The following CEP78 variants were observed in gnomAD, a reference collection of about 807,000 sequenced individuals.
CEP78 encodes centrosomal protein 78.
In CEP78, 76 loss-of-function variants were observed where a neutral mutation model predicts 81.2. That is an observed-to-expected ratio of 0.94 (90% CI 0.78 to 1.13). The LOEUF (loss-of-function observed/expected upper bound fraction) is 1.13, where lower values mean the gene tolerates loss of function less well. Among genes scored for constraint, CEP78 ranks in the 50% most tolerant of loss-of-function variants. The pLI is 0.00. For synonymous variants in CEP78, 293 were observed against 301.4 expected, an observed-to-expected ratio of 0.97 and a Z score of 0.29; for missense variants, 918 against 846.8, an observed-to-expected ratio of 1.08 and a Z score of -1.04.
chr9:78,249,885 T>C (rs1360068750), intron 8 of CEP78: 1 of 171,026 alleles, frequency 5.8e-6, no homozygotes, highest in African/African-American at 2.4e-5. Context: ...AGAAAAAGGT[T>C]TGTGGTGACT....
intron 16 of CEP78, among the ~76,000 whole-genome samples, chr9:78,270,263 A>G (rs1391449622): frequency 6.6e-6 from 1 of 152,178 alleles, no homozygotes; most frequent in African/African-American, 2.4e-5. Context: ...TAGTTTTAAA[A>G]TTCTTCCATA....
chr9:78,236,856 A>G (rs1825969589), intron 1 of CEP78, among the ~76,000 whole-genome samples: 1 of 151,882 alleles, frequency 6.6e-6, no homozygotes, highest in African/African-American at 2.4e-5. Flanking sequence ...AGCTCTTAGC[A>G]CAGTTTGGGA....
intron 5 of CEP78, among the ~76,000 whole-genome samples, 153 bp from the exon 6 acceptor site, chr9:78,246,516 C>T (rs1826488169): frequency 6.6e-6 from 1 of 152,190 alleles, no homozygotes; most frequent in Non-Finnish European, 1.5e-5. Context: ...AGGAGAATGG[C>T]GTGAACCTGG....
Position 78,240,128 on chromosome 9 carries a change from G to A in CEP78, c.359G>A (p.Ser120Asn), listed in dbSNP as rs770440873. The stretch of plus-strand genomic sequence containing the variant: ...CTTAAAGGCTGTTTAAGTATATCAA[G>A]TGTGCTAAAGAACCTGGAGCTAAAT... ...KALKGCLSIS[S>N]VLKNLELNGL... The change falls in exon 2 of 17, where the codon AGT becomes AAT. Residue 120 changes from serine (S) to asparagine (N), a missense_variant. By Grantham distance (46) the Ser-to-Asn change is conservative. Coordinates refer to ENST00000643273, the MANE Select transcript of CEP78 (RefSeq NM_001330691.3). 4 of 1,589,110 alleles carry A rather than the reference G, an allele frequency of 2.5e-6. No homozygotes were observed. The African/African-American group carries it at 5.5e-5, about 22-fold the overall frequency.
chr9:78,261,776 A>G (rs1827287074), intron 11 of CEP78, among the ~76,000 whole-genome samples: 2 of 152,182 alleles, frequency 1.3e-5, no homozygotes, highest in Non-Finnish European at 2.9e-5. Flanking sequence ...AAACCATTAT[A>G]TAAATAATAA....
intron 8 of CEP78, 59 bp from the exon 9 acceptor site, chr9:78,251,849 T>A: frequency 6.7e-7 from 1 of 1,486,502 alleles, no homozygotes; most frequent in Non-Finnish European, 9.2e-7. Flanking sequence ...CACATGTGCC[T>A]ATTCATCTGT....
At position 78,248,890 on chromosome 9, in the gene CEP78, T is replaced by C; in HGVS notation, c.1069+17T>C. On this transcript the variant is annotated intron_variant, in intron 8 of 16. Transcript: ENST00000643273. The stretch of plus-strand genomic sequence containing the variant: ...TTAGAATTGGTAACCTTTTCTGTCT[T>C]GGCTTTTTAATGCTACTAGTGTTCT... The C allele has an allele frequency of 7.4e-7, 1 of 1,359,786 alleles. No homozygotes were observed. The highest frequency in any genetic ancestry group is 1.0e-6 in the Non-Finnish European group (1 of 973,744). 84.2% of individuals were successfully genotyped at this position (1,359,786 alleles called of 1,614,324 possible).
chr9:78,265,032 A>G (rs1827452231), intron 13 of CEP78, among the ~76,000 whole-genome samples: 1 of 152,268 alleles, frequency 6.6e-6, no homozygotes, highest in South Asian at 2.1e-4. Context: ...ATGTGTGGGG[A>G]TGAAGGTGAG....
chr9:78,268,246 C>T (rs1276317387), intron 16 of CEP78, among the ~76,000 whole-genome samples: 1 of 152,036 alleles, frequency 6.6e-6, no homozygotes. Flanking sequence ...GGGAAGGATA[C>T]TCAGGGCAGA....
In CEP78 at chr9:78,265,531, G is replaced by C. The variant is rs764717498; in HGVS notation, c.1785G>C (p.Met595Ile). 36 of 1,567,404 alleles carry C rather than the reference G, an allele frequency of 2.3e-5. No homozygotes were observed. The African/African-American group carries it at 4.7e-4, about 21-fold the overall frequency. ...PEPKQNALGQMQNIQVSICMQ... is the reference protein window; with the variant it reads ...PEPKQNALGQIQNIQVSICMQ... ...CGAAGCAGAATGCCCTAGGGCAAAT[G>C]CAAAATATCCAGGTAAATGAATAGA... The change falls in exon 14 of 17, where the codon ATG becomes ATC. Residue 595 changes from methionine to isoleucine, a missense_variant. By Grantham distance (10) the Met-to-Ile change is conservative. Transcript: ENST00000643273.
chr9:78,241,937 C>T (rs1359044337), intron 4 of CEP78, 138 bp downstream of exon 4: 1 of 517,688 alleles, frequency 1.9e-6, no homozygotes, highest in African/African-American at 1.9e-5. Flanking sequence ...AGAATGTGAC[C>T]AATTTTCAGC....
At chr9:78,249,349 A>G (rs947553167) in intron 8 of CEP78, 1 of 152,274 alleles carries the variant, frequency 6.6e-6, no homozygotes, top group African/African-American at 2.4e-5. Context: ...TGAATTAGGT[A>G]GCACCTTGCT....
rs1266113913 is a variant in CEP78 at position 78,278,576 on chromosome 9, A to G, written c.*7725A>G. On this transcript the variant is annotated 3_prime_UTR_variant, in exon 17 of 17. Transcript: ENST00000643273. ...AGAAAATTATGTTGGCAACTCACGA[A>G]GTATGTTTCACAATCCACTAATGGG... 6.6e-6 allele frequency: 1 copy of G among 152,204 alleles called. No individual in the cohort carries two copies. Among genetic ancestry groups the G allele is most frequent in the Admixed American group, 6.5e-5 (1 of 15,284 alleles). The allele number at this position is 152,204 out of a possible 1,614,324, so 9.4% of individuals were successfully genotyped here. A position where few individuals can be genotyped will look rare whatever the true frequency, so the allele number is the denominator to read the frequency against.
rs878905366 is a variant in CEP78 at position 78,236,517 on chromosome 9, C to T, written c.167C>T (p.Ala56Val). ...GACCGCCTCCGCGGGGTGGACTGGG[C>T]GCCTCTGCTGAGCACCCTCAAGATC... The part of the protein sequence containing the change: ...NADRLRGVDW[A>V]PLLSTLKINK... Residue 56 changes from alanine to valine, a missense_variant, in exon 1 of 17, where the codon GCG becomes GTG. By Grantham distance (64) the Ala-to-Val change is moderately conservative. Transcript: ENST00000643273. 4 of 1,606,588 alleles carry T rather than the reference C, an allele frequency of 2.5e-6. No individual in the cohort carries two copies. Among genetic ancestry groups the T allele is most frequent in the Non-Finnish European group, 3.4e-6 (4 of 1,176,516 alleles).
intron 4 of CEP78, among the ~76,000 whole-genome samples, chr9:78,242,652 C>T (rs1826289912): frequency 6.6e-6 from 1 of 152,210 alleles, no homozygotes; most frequent in African/African-American, 2.4e-5. Flanking sequence ...TAGCAAATGA[C>T]ACTGACAGTT....
In CEP78 at chr9:78,236,439, C is replaced by A. The variant is rs201121890; in HGVS notation, c.89C>A (p.Pro30Gln). 1 of 1,602,354 alleles carries A rather than the reference C, an allele frequency of 6.2e-7. No homozygotes were observed. The highest frequency in any genetic ancestry group is 1.7e-5 in the Admixed American group (1 of 58,622). ...CTGTGCGCGCTGCAGAACTCGGTGC[C>A]GCTGCCCGCCGTGCGCGCCTGTCTC... ...EYLCALQNSV[P>Q]LPAVRACLRE... The change falls in exon 1 of 17, where the codon CCG becomes CAG. Residue 30 changes from proline to glutamine, a missense_variant. Pro to Gln is a moderately conservative substitution (Grantham distance 76). Coordinates refer to ENST00000643273, the MANE Select transcript of CEP78 (RefSeq NM_001330691.3).
chr9:78,250,341 T>C, intron 8 of CEP78: 1 of 398,016 alleles, frequency 2.5e-6, no homozygotes, highest in Non-Finnish European at 4.4e-6. Context: ...TTTATGTAAA[T>C]TATGTCACAT....
chr9:78,247,563 G>A (rs1201222818), intron 6 of CEP78, among the ~76,000 whole-genome samples: 1 of 152,180 alleles, frequency 6.6e-6, no homozygotes, highest in African/African-American at 2.4e-5. Flanking sequence ...GTCACGGTAA[G>A]GACTTAGATA....
At chr9:78,245,746 A>G (rs763659616) in intron 5 of CEP78, among the ~76,000 whole-genome samples, 2 of 152,086 alleles carry the variant, frequency 1.3e-5, no homozygotes, top group Admixed American at 6.5e-5. Context: ...CTTTTACTTG[A>G]GAGAGAGTTC....
Sources: gnomAD v4.1 joint callset for allele counts (sites outside exome capture counted in the v4.1 genomes callset) on GRCh38, gnomAD v4.1.1 for gene constraint, MANE v1.5 for transcripts, NCBI Gene and HGNC (gene_info 2026-07-23, HGNC 2026-07-21) for gene names.